The following ELMO1 variants were observed in gnomAD, a reference collection of about 807,000 sequenced individuals.
ELMO1 encodes engulfment and cell motility protein 1.
In ELMO1, 26 loss-of-function variants were observed where a neutral mutation model predicts 98.9. The ratio of observed to expected loss-of-function variants is 0.26; its 90% CI spans 0.19 to 0.36. The LOEUF is 0.36. Ranked by LOEUF, ELMO1 falls within the 10% of genes least tolerant of loss-of-function variation. The probability of loss-of-function intolerance (pLI) is 1.00; values close to 1 mark genes in which losing one functional copy is unlikely to be tolerated. For synonymous variants in ELMO1, 346 were observed against 346.0 expected, an observed-to-expected ratio of 1.00 and a Z score of 0.00; for missense variants, 627 against 935.2, an observed-to-expected ratio of 0.67 and a Z score of 4.30.
chr7:36,995,938 T>G (rs1424301148), intron 16 of ELMO1, among the ~76,000 whole-genome samples: 1 of 151,902 alleles, frequency 6.6e-6, no homozygotes, highest in Non-Finnish European at 1.5e-5. Context: ...TGCAGAGGGG[T>G]GTAATTGACC....
At chr7:37,181,363 G>A (rs1207730500) in intron 13 of ELMO1, among the ~76,000 whole-genome samples, 6 of 151,762 alleles carry the variant, frequency 4.0e-5, no homozygotes, top group Admixed American at 3.9e-4. Flanking sequence ...TGCAGGGTGG[G>A]GTTACACCAC....
intron 16 of ELMO1, among the ~76,000 whole-genome samples, chr7:36,989,955 T>C (rs891417802): frequency 2.0e-5 from 3 of 152,230 alleles, no homozygotes; most frequent in Non-Finnish European, 4.4e-5. Flanking sequence ...GATAATTTTA[T>C]ATTAGCCTTC....
intron 1 of ELMO1, chr7:37,393,933 A>C (rs1290051235): frequency 6.6e-6 from 1 of 152,230 alleles, no homozygotes; most frequent in Non-Finnish European, 1.5e-5. Context: ...TGGGATAAAT[A>C]GGTGGAAAGG....
intron 16 of ELMO1, among the ~76,000 whole-genome samples, chr7:36,994,772 A>G (rs1010949836): frequency 2.0e-5 from 3 of 152,252 alleles, no homozygotes; most frequent in African/African-American, 7.2e-5. Flanking sequence ...TCTTAAGTGT[A>G]TCACATCTGC....
At chr7:37,204,804 G>C (rs1425023895) in intron 13 of ELMO1, among the ~76,000 whole-genome samples, 1 of 151,960 alleles carries the variant, frequency 6.6e-6, no homozygotes, top group Non-Finnish European at 1.5e-5. Flanking sequence ...AGAAAGAAAA[G>C]TTCTCCAAGT....
chr7:36,857,669 A>G (rs948699785), intron 21 of ELMO1, among the ~76,000 whole-genome samples: 4 of 152,244 alleles, frequency 2.6e-5, no homozygotes, highest in Non-Finnish European at 5.9e-5. Flanking sequence ...TGGAACTATC[A>G]GTATCAATTC....
intron 15 of ELMO1, among the ~76,000 whole-genome samples, chr7:37,019,708 T>C (rs1358447908): frequency 2.6e-5 from 4 of 152,224 alleles, no homozygotes; most frequent in Non-Finnish European, 5.9e-5. Context: ...AGAGAGACAC[T>C]TTCAATGGGA....
Position 37,378,796 on chromosome 7 carries a change from G to A in ELMO1, c.-73-36033C>T, listed in dbSNP as rs147426185. ...ATTCATATTCAAAACTAACAGATCC[G>A]ACCTTGTGAGTATCTCTTCCAAACC... On this transcript the variant is annotated intron_variant, in intron 1 of 21. Coordinates refer to ENST00000310758, the MANE Select transcript of ELMO1 (RefSeq NM_014800.11). Among the ~76,000 whole-genome samples the A allele has an allele frequency of 2.2e-3, 340 of 151,494 alleles. 4 individuals are homozygous for A. Among genetic ancestry groups the A allele is most frequent in the African/African-American group, 7.5e-3 (309 of 41,210 alleles).
chr7:37,239,074 T>A (rs561539447), intron 7 of ELMO1, among the ~76,000 whole-genome samples: 1 of 152,322 alleles, frequency 6.6e-6, no homozygotes, highest in African/African-American at 2.4e-5. Context: ...TCCAAAAGCA[T>A]GTGTTTAGAT....
chr7:37,160,077 T>A (rs1274356927), intron 13 of ELMO1, among the ~76,000 whole-genome samples: 1 of 152,340 alleles, frequency 6.6e-6, no homozygotes, highest in East Asian at 1.9e-4. Context: ...TTAAATATTA[T>A]GGAACAATAC....
chr7:37,355,669 G>A (rs1801467491), intron 1 of ELMO1, among the ~76,000 whole-genome samples: 1 of 152,242 alleles, frequency 6.6e-6, no homozygotes, highest in African/African-American at 2.4e-5. Flanking sequence ...AGAATTGCCT[G>A]AGCAGATGCC....
intron 14 of ELMO1, among the ~76,000 whole-genome samples, chr7:37,108,245 G>A (rs1460748322): frequency 6.6e-6 from 1 of 152,024 alleles, no homozygotes; most frequent in African/African-American, 2.4e-5. Flanking sequence ...CTAGAGGAAG[G>A]ATCTCCCTCT....
At chr7:37,326,283 G>T (rs1460830720) in intron 2 of ELMO1, among the ~76,000 whole-genome samples, 1 of 152,108 alleles carries the variant, frequency 6.6e-6, no homozygotes, top group South Asian at 2.1e-4. Flanking sequence ...GGCCAGGCAC[G>T]GTGGCTCACA....
chr7:36,875,969 G>A (rs1463844739), intron 19 of ELMO1, among the ~76,000 whole-genome samples: 1 of 152,160 alleles, frequency 6.6e-6, no homozygotes, highest in Non-Finnish European at 1.5e-5. Flanking sequence ...GTTAGTGGGA[G>A]AGCAGATTCA....
chr7:37,200,489 GCAACC>G (rs1205337787), intron 13 of ELMO1, among the ~76,000 whole-genome samples: 2 of 152,096 alleles, frequency 1.3e-5, no homozygotes, highest in Non-Finnish European at 2.9e-5. Flanking sequence ...CAGCACAGAG[GCAACC>G]CTGAACATGT....
At chr7:37,358,947 C>A (rs1562641675) in intron 1 of ELMO1, among the ~76,000 whole-genome samples, 1 of 152,126 alleles carries the variant, frequency 6.6e-6, no homozygotes, top group African/African-American at 2.4e-5. Flanking sequence ...GATTTATAAG[C>A]TATTTAAAAA....
At chr7:37,197,819 C>T (rs1792060791) in intron 13 of ELMO1, among the ~76,000 whole-genome samples, 1 of 152,142 alleles carries the variant, frequency 6.6e-6, no homozygotes, top group Non-Finnish European at 1.5e-5. Context: ...GGAAGAGGTG[C>T]TGGATGCCTA....
chr7:37,173,230 T>A (rs1790288981), intron 13 of ELMO1, among the ~76,000 whole-genome samples: 1 of 152,200 alleles, frequency 6.6e-6, no homozygotes, highest in African/African-American at 2.4e-5. Context: ...CTATGTGATA[T>A]CCTGTATTCT....
intron 1 of ELMO1, among the ~76,000 whole-genome samples, chr7:37,374,439 C>T (rs895994700): frequency 2.0e-5 from 3 of 152,172 alleles, no homozygotes; most frequent in Non-Finnish European, 4.4e-5. Context: ...TAAAAAAGAA[C>T]ATTAGTTAGT....
Sources: allele counts gnomAD v4.1 joint callset (sites outside exome capture counted in the v4.1 genomes callset), GRCh38; gene constraint gnomAD v4.1.1; transcripts MANE v1.5; gene names NCBI Gene and HGNC (gene_info 2026-07-23, HGNC 2026-07-21).